The following CEP63 variants were observed in gnomAD, a reference collection of about 807,000 sequenced individuals.
The protein encoded by CEP63 is centrosomal protein 63, also known as centrosomal protein of 63 kDa.
In CEP63, 84 loss-of-function variants were observed where a neutral mutation model predicts 89.1. That is an observed-to-expected ratio of 0.94 (90% CI 0.79 to 1.13). The LOEUF is 1.13. CEP63 is among the 50% of genes most tolerant of loss of function. CEP63 has a pLI of 0.00. For synonymous variants in CEP63, 267 were observed against 272.5 expected (o/e 0.98, Z 0.20); for missense variants, 838 against 813.3 (o/e 1.03, Z -0.37).
chr3:134,747,150 G>A, the CEP63 span, among the ~76,000 whole-genome samples: 1 of 152,196 alleles, frequency 6.6e-6, no homozygotes. Context: ...TGACTAGCCA[G>A]TTTTCCCAGC....
intron 3 of CEP63, among the ~76,000 whole-genome samples, chr3:134,511,895 A>T (rs1433284474): frequency 6.6e-6 from 1 of 152,188 alleles, no homozygotes; most frequent in African/African-American, 2.4e-5. Context: ...GCCAAACCAC[A>T]TCAGTCATTC....
intron 3 of CEP63, among the ~76,000 whole-genome samples, chr3:134,528,569 C>CGTGTGCGTGTGTGTGTGT (rs1553763958): frequency 2.7e-5 from 4 of 147,024 alleles, no homozygotes; most frequent in African/African-American, 1.0e-4. Flanking sequence ...TGTGTGTGTG[C>CGTGTGCGTGTGTGTGTGT]GTGTGTGTGT....
intron 3 of CEP63, among the ~76,000 whole-genome samples, chr3:134,509,185 T>C (rs1944259138): frequency 1.3e-5 from 2 of 152,182 alleles, no homozygotes; most frequent in Admixed American, 1.3e-4. Flanking sequence ...TGTAGAAACA[T>C]AGTTGCTTCT....
At chr3:134,672,602 C>T in the CEP63 span, among the ~76,000 whole-genome samples, 1 of 152,194 alleles carries the variant, frequency 6.6e-6, no homozygotes, top group Non-Finnish European at 1.5e-5. Context: ...GATTTTGCAC[C>T]TCTTTCTTGA....
chr3:134,554,284 C>T (rs1202626866), intron 12 of CEP63, among the ~76,000 whole-genome samples: 3 of 150,084 alleles, frequency 2.0e-5, no homozygotes, highest in Admixed American at 1.3e-4. Flanking sequence ...CTTCCTGTGT[C>T]CATGTGATCT....
chr3:134,688,895 C>T, the CEP63 span, among the ~76,000 whole-genome samples: 1 of 152,222 alleles, frequency 6.6e-6, no homozygotes, highest in African/African-American at 2.4e-5. Flanking sequence ...ATCCTCATGA[C>T]AAAGGTCTTC....
At chr3:134,592,506 G>GTGTGTGTGTGTGTGTT (rs1958618716), downstream of CEP63, among the ~76,000 whole-genome samples, 1 of 151,260 alleles carries the variant, frequency 6.6e-6, no homozygotes, top group African/African-American at 2.4e-5. Context: ...GTGTGTGTGT[G>GTGTGTGTGTGTGTGTT]TGTGTGTGTA....
chr3:134,635,251 C>T, the CEP63 span, among the ~76,000 whole-genome samples: 1 of 152,222 alleles, frequency 6.6e-6, no homozygotes, highest in African/African-American at 2.4e-5. Context: ...AATCCCAGCA[C>T]TTTGGGAGGC....
At chr3:134,658,675 G>A in the CEP63 span, among the ~76,000 whole-genome samples, 1 of 152,218 alleles carries the variant, frequency 6.6e-6, no homozygotes, top group African/African-American at 2.4e-5. Context: ...TTCTGTGTCT[G>A]TCTCACAGAC....
chr3:134,517,890 G>T (rs1445436191), intron 3 of CEP63, among the ~76,000 whole-genome samples: 1 of 152,128 alleles, frequency 6.6e-6, no homozygotes, highest in African/African-American at 2.4e-5. Flanking sequence ...ATCTCAAGAG[G>T]TTGGGAAAAG....
chr3:134,764,355 G>C, the CEP63 span, among the ~76,000 whole-genome samples: 1 of 152,146 alleles, frequency 6.6e-6, no homozygotes, highest in African/African-American at 2.4e-5. Flanking sequence ...TGTGACAATA[G>C]ACAGTTCTTT....
At chr3:134,584,970 T>TTTTGTTTTG (rs1958451484) in intron 10 of CEP63, among the ~76,000 whole-genome samples, 2 of 45,338 alleles carry the variant, frequency 4.4e-5, no homozygotes, top group African/African-American at 1.1e-4. Context: ...TTTTTTTTTT[T>TTTTGTTTTG]TTTTGCATGG....
chr3:134,742,143 A>G, the CEP63 span, among the ~76,000 whole-genome samples: 1 of 152,182 alleles, frequency 6.6e-6, no homozygotes, highest in Non-Finnish European at 1.5e-5. Flanking sequence ...TTTCTCATTC[A>G]TAAAGATTCT....
At chr3:134,541,869 A>G (rs556056313) in intron 6 of CEP63, among the ~76,000 whole-genome samples, 6 of 152,288 alleles carry the variant, frequency 3.9e-5, no homozygotes, top group East Asian at 1.9e-4. Flanking sequence ...AAATATTAAA[A>G]TGTATTTTAT....
intron 8 of CEP63, among the ~76,000 whole-genome samples, chr3:134,546,829 G>C (rs987417903): frequency 6.6e-6 from 1 of 152,176 alleles, no homozygotes; most frequent in African/African-American, 2.4e-5. Flanking sequence ...TGTTTAGAAA[G>C]TTAGAAACCA....
downstream of CEP63, among the ~76,000 whole-genome samples, chr3:134,576,096 T>C (rs1416718725): frequency 6.6e-6 from 1 of 152,194 alleles, no homozygotes; most frequent in Non-Finnish European, 1.5e-5. Context: ...TATAATTGTT[T>C]ATGCTTTTCA....
the CEP63 span, among the ~76,000 whole-genome samples, chr3:134,694,726 G>A: frequency 6.6e-6 from 1 of 152,198 alleles, no homozygotes; most frequent in African/African-American, 2.4e-5. Flanking sequence ...CTTCTTTTCA[G>A]CATTCAGCTC....
the CEP63 span, among the ~76,000 whole-genome samples, chr3:134,737,269 G>A: frequency 6.6e-6 from 1 of 152,034 alleles, no homozygotes; most frequent in East Asian, 1.9e-4. Flanking sequence ...AACACAATAA[G>A]CACAAAATCT....
intron 2 of CEP63, among the ~76,000 whole-genome samples, chr3:134,501,307 C>G (rs1264138082): frequency 6.6e-6 from 1 of 152,090 alleles, no homozygotes; most frequent in African/African-American, 2.4e-5. Context: ...GTTGCTTTGG[C>G]TATTTGGGCT....
Sources: allele counts gnomAD v4.1 joint callset (sites outside exome capture counted in the v4.1 genomes callset), GRCh38; gene constraint gnomAD v4.1.1; transcripts MANE v1.5; gene names NCBI Gene and HGNC (gene_info 2026-07-23, HGNC 2026-07-21).